HDAC9: variants seen among roughly 807,000 people sequenced by gnomAD.
The protein encoded by HDAC9 is MEF-2 interacting transcription repressor (MITR) protein.
In HDAC9, 41 loss-of-function variants were observed where a neutral mutation model predicts 139.4. The ratio of observed to expected loss-of-function variants is 0.29; its 90% CI spans 0.23 to 0.38. HDAC9 has a LOEUF of 0.38. HDAC9 is among the 10% of genes least tolerant of loss of function. HDAC9 has a pLI of 1.00. For synonymous variants in HDAC9, 517 were observed against 476.2 expected (o/e 1.09, Z -1.12); for missense variants, 1,147 against 1,297.0 (o/e 0.88, Z 1.78).
chr7:18,097,455 A>G (rs1782583643), intron 1 of HDAC9, among the ~76,000 whole-genome samples: 2 of 121,418 alleles, frequency 1.6e-5, no homozygotes, highest in African/African-American at 5.7e-5. Flanking sequence ...AGTTTTATGT[A>G]CACTTTTACC....
At chr7:18,354,848 A>G (rs548767467) in intron 1 of HDAC9, among the ~76,000 whole-genome samples, 26 of 152,214 alleles carry the variant, frequency 1.7e-4, no homozygotes, top group Admixed American at 1.5e-3. Context: ...CAGTCAACAC[A>G]TCGGGGCACG....
At chr7:18,646,515 T>C (rs17139510) in intron 9 of HDAC9, among the ~76,000 whole-genome samples, 8,414 of 152,196 alleles carry the variant, frequency 0.055, 751 homozygotes, top group African/African-American at 0.18. Flanking sequence ...CATTTCTACA[T>C]TGAATACTGG....
At position 18,727,799 on chromosome 7, in the gene HDAC9, G is replaced by A. The variant is rs547816447; in HGVS notation, c.1909+42G>A. 1.8e-4 allele frequency: 246 copies of A among 1,369,144 alleles called. 3 individuals carry two copies. In the South Asian group the frequency reaches 3.9e-3, roughly 22 times the overall value. 84.8% of individuals were successfully genotyped at this position (1,369,144 alleles called of 1,614,324 possible). A position where few individuals can be genotyped will look rare whatever the true frequency, so the allele number is the denominator to read the frequency against. On this transcript the variant is annotated intron_variant, in intron 13 of 25. Transcript: ENST00000686413. ...ACTCTCTCTAATAGGCAGGCTAAAT[G>A]CCCCGTTCTTGTAGGATTAACCGAT...
intron 1 of HDAC9, among the ~76,000 whole-genome samples, chr7:18,468,771 A>G (rs140148158): frequency 1.3e-5 from 2 of 152,316 alleles, no homozygotes; most frequent in Non-Finnish European, 2.9e-5. Context: ...AAGATGAGAA[A>G]GTATCATTGT....
chr7:18,683,464 C>T (rs968040469), intron 12 of HDAC9, among the ~76,000 whole-genome samples: 1 of 152,060 alleles, frequency 6.6e-6, no homozygotes, highest in Non-Finnish European at 1.5e-5. Flanking sequence ...GCAGAACCCA[C>T]AGTTCAGCAA....
chr7:18,859,514 C>G (rs566598198), intron 21 of HDAC9, among the ~76,000 whole-genome samples: 2 of 151,276 alleles, frequency 1.3e-5, no homozygotes, highest in South Asian at 4.2e-4. Flanking sequence ...AATGAGCTTG[C>G]CTTTTGTCTT....
At position 18,648,541 on chromosome 7, in the gene HDAC9, A is replaced by C; in HGVS notation, c.1325A>C (p.Lys442Thr). 6.2e-7 allele frequency: 1 copy of C among 1,613,620 alleles called. No individual in the cohort carries two copies. The highest frequency in any genetic ancestry group is 1.1e-5 in the South Asian group (1 of 91,062). Residue 442 changes from lysine (K) to threonine (T), a missense_variant, in exon 11 of 26, where the codon AAA (lysine) becomes ACA (threonine). Coordinates refer to ENST00000686413, the MANE Select transcript of HDAC9 (RefSeq NM_178425.4). Reference sequence around the variant, plus strand: ...TCACCTGGCATTAGAGGTACCCACAAATTGCCCCGTCACAGACCCCTGAAC... The same window carrying C: ...TCACCTGGCATTAGAGGTACCCACACATTGCCCCGTCACAGACCCCTGAAC... ...RISPGIRGTH[K>T]LPRHRPLNRT...
chr7:18,578,314 A>G (rs1211290728), intron 2 of HDAC9: 2 of 487,314 alleles, frequency 4.1e-6, no homozygotes, highest in Non-Finnish European at 8.2e-6. Flanking sequence ...ACCCCTTCAC[A>G]CATGTTAGCC....
At chr7:18,845,172 T>C (rs1318359569) in intron 21 of HDAC9, among the ~76,000 whole-genome samples, 1 of 152,184 alleles carries the variant, frequency 6.6e-6, no homozygotes, top group Non-Finnish European at 1.5e-5. Flanking sequence ...CAAATGATTG[T>C]ATGTAGAATA....
chr7:18,601,733 C>T (rs572252860), intron 6 of HDAC9, among the ~76,000 whole-genome samples: 95 of 152,178 alleles, frequency 6.2e-4, no homozygotes, highest in African/African-American at 2.2e-3. Flanking sequence ...TATAATCGTA[C>T]GATTTTTTAA....
chr7:18,468,334 G>T (rs888942895), intron 1 of HDAC9, among the ~76,000 whole-genome samples: 2 of 152,118 alleles, frequency 1.3e-5, no homozygotes, highest in African/African-American at 4.8e-5. Flanking sequence ...ACTTAGATCA[G>T]TGTGGACACA....
chr7:18,241,616 A>G (rs1323585352), intron 2 of HDAC9, among the ~76,000 whole-genome samples: 2 of 152,346 alleles, frequency 1.3e-5, no homozygotes, highest in African/African-American at 4.8e-5. Flanking sequence ...CCATTATTCA[A>G]TGAAAAGCCC....
intron 1 of HDAC9, among the ~76,000 whole-genome samples, chr7:18,340,150 A>C (rs1781893231): frequency 6.6e-6 from 1 of 151,518 alleles, no homozygotes. Flanking sequence ...AATGATATTT[A>C]TCTCCAATAA....
At chr7:18,647,563 C>T (rs1358627861) in intron 9 of HDAC9, among the ~76,000 whole-genome samples, 3 of 152,130 alleles carry the variant, frequency 2.0e-5, no homozygotes, top group African/African-American at 7.2e-5. Context: ...ATGTTCAATA[C>T]AATGACAATA....
chr7:18,500,383 A>G (rs962465113), intron 2 of HDAC9, among the ~76,000 whole-genome samples: 4 of 152,162 alleles, frequency 2.6e-5, no homozygotes, highest in Non-Finnish European at 4.4e-5. Flanking sequence ...CCTGTCACCC[A>G]ATATATTCAA....
chr7:18,922,760 C>G (rs111890822), intron 22 of HDAC9, among the ~76,000 whole-genome samples: 2 of 152,198 alleles, frequency 1.3e-5, no homozygotes, highest in African/African-American at 4.8e-5. Context: ...TTACTAATAT[C>G]ATTTGAAATT....
intron 1 of HDAC9, among the ~76,000 whole-genome samples, chr7:18,120,477 T>C (rs1784301920): frequency 6.6e-6 from 1 of 152,154 alleles, no homozygotes; most frequent in Non-Finnish European, 1.5e-5. Context: ...AATTGAGGGA[T>C]GGTCCCCAAA....
intron 23 of HDAC9, among the ~76,000 whole-genome samples, chr7:18,936,204 A>G (rs1253336123): frequency 6.6e-6 from 1 of 152,248 alleles, no homozygotes; most frequent in Non-Finnish European, 1.5e-5. Context: ...TACTGACCCA[A>G]CCAATGAGTA....
intron 1 of HDAC9, among the ~76,000 whole-genome samples, chr7:18,124,656 C>T (rs560373125): frequency 2.0e-5 from 3 of 152,156 alleles, no homozygotes; most frequent in South Asian, 4.2e-4. Context: ...AGTTTTTGGA[C>T]GTCATGGGTT....
Sources: gnomAD v4.1 joint callset for allele counts (sites outside exome capture counted in the v4.1 genomes callset) on GRCh38, gnomAD v4.1.1 for gene constraint, MANE v1.5 for transcripts, NCBI Gene and HGNC (gene_info 2026-07-23, HGNC 2026-07-21) for gene names.